Variants in OR4M1 observed in about 807,000 individuals in gnomAD.
OR4M1 encodes olfactory receptor 4M1.
Under a neutral mutation model 9.8 loss-of-function variants are expected in OR4M1, and 7 were observed. The ratio of observed to expected loss-of-function variants is 0.71; its 90% CI spans 0.41 to 1.34. OR4M1 has a LOEUF of 1.34. Ranked by LOEUF, OR4M1 falls within the 40% of genes most tolerant of loss-of-function variation. The pLI, the probability that OR4M1 is intolerant of heterozygous loss-of-function variation, is 0.01. For missense variants in OR4M1, 331 were observed against 380.4 expected, an observed-to-expected ratio of 0.87 and a Z score of 1.08; for synonymous variants, 121 against 139.8, an observed-to-expected ratio of 0.87 and a Z score of 0.95.
rs563688956 is a variant in OR4M1, at chr14:19,780,332, G to A, written c.10G>A (p.Ala4Thr). 1.9e-6 allele frequency: 3 copies of A among 1,608,664 alleles called. No homozygotes were observed. The highest frequency in any genetic ancestry group is 1.1e-5 in the South Asian group (1 of 89,992). The change falls in exon 2 of 2, where the codon GCA becomes ACA. Residue 4 changes from alanine to threonine, a missense_variant. Coordinates refer to ENST00000641200, the MANE Select transcript of OR4M1 (RefSeq NM_001005500.2). MET[A>T]NYTKVTEFVL... ...AGAGTAAATTGAAGAAATGGAAACT[G>A]CAAATTACACCAAGGTGACAGAATT...
rs148064064 is a variant in OR4M1, at chr14:19,783,004, G to C, written c.*1740G>C. The C allele has an allele frequency of 5.3e-5, 8 of 152,352 alleles. No individual in the cohort carries two copies. In the East Asian group the frequency reaches 1.5e-3, roughly 29 times the overall value. The allele number at this position is 152,352 out of a possible 1,614,324, so 9.4% of individuals were successfully genotyped here. On this transcript the variant is annotated 3_prime_UTR_variant, in exon 2 of 2. Coordinates refer to ENST00000641200, the MANE Select transcript of OR4M1 (RefSeq NM_001005500.2). ...AACTAGGGCTGATGTTCTTTGGAAA[G>C]GGACCACTGATTTGATATGCTCTTC...
At chr14:19,774,079 A>G (rs1441569467) in intron 1 of OR4M1, among the ~76,000 whole-genome samples, 1 of 152,252 alleles carries the variant, frequency 6.6e-6, no homozygotes, top group Non-Finnish European at 1.5e-5. Context: ...AGGATGGGAA[A>G]GGTGAGGCTT....
chr14:19,777,007 CATATATATATATATATAT>C (rs71431978), intron 1 of OR4M1, among the ~76,000 whole-genome samples: 132 of 45,930 alleles, frequency 2.9e-3, no homozygotes, highest in African/African-American at 8.6e-3. Flanking sequence ...TTGTTTAAGC[CATATATATATATATATAT>C]ATATATATAT....
rs1288775328 is a variant in OR4M1 at position 19,783,243 on chromosome 14, G to A, written c.*1979G>A. On this transcript the variant is annotated 3_prime_UTR_variant, in exon 2 of 2. Transcript: ENST00000641200. Reference sequence around the variant, plus strand: ...AGCCTGATTCATGGAGGACATAATTGGAATAAGGACTGAGAGCAATTTCAC... The same window carrying A: ...AGCCTGATTCATGGAGGACATAATTAGAATAAGGACTGAGAGCAATTTCAC... The A allele has an allele frequency of 6.6e-6, 1 of 152,282 alleles. No individual in the cohort carries two copies. The highest frequency in any genetic ancestry group is 1.9e-4 in the East Asian group (1 of 5,202). The allele number at this position is 152,282 out of a possible 1,614,324, so 9.4% of individuals were successfully genotyped here.
chr14:19,774,925 TC>T (rs906142084), intron 1 of OR4M1, among the ~76,000 whole-genome samples: 46 of 152,210 alleles, frequency 3.0e-4, no homozygotes, highest in African/African-American at 1.0e-3. Flanking sequence ...AACCCTTAGC[TC>T]CCCAACCTAC....
At chr14:19,780,087 T>C (rs1158480188) in intron 1 of OR4M1, among the ~76,000 whole-genome samples, 1 of 152,278 alleles carries the variant, frequency 6.6e-6, no homozygotes, top group Non-Finnish European at 1.5e-5. Context: ...TTCAAATATA[T>C]GCCACACTTC....
At chr14:19,776,068 A>G (rs1878301690) in intron 1 of OR4M1, among the ~76,000 whole-genome samples, 1 of 152,184 alleles carries the variant, frequency 6.6e-6, no homozygotes, top group Admixed American at 6.5e-5. Context: ...CTTCCTCACC[A>G]TCCCACAGAA....
At chr14:19,779,765 A>G (rs954634805) in intron 1 of OR4M1, among the ~76,000 whole-genome samples, 4 of 152,248 alleles carry the variant, frequency 2.6e-5, no homozygotes, top group Admixed American at 1.3e-4. Context: ...GGTTACGCTT[A>G]TGGAAAAATA....
Position 19,781,790 on chromosome 14 carries a change from G to A in OR4M1, c.*526G>A, listed in dbSNP as rs866314080. On this transcript the variant is annotated 3_prime_UTR_variant, in exon 2 of 2. Coordinates refer to ENST00000641200, the MANE Select transcript of OR4M1 (RefSeq NM_001005500.2). ...TCTCCTCTTATTTCCAGAGTTGATG[G>A]AAAATGAGGATTCATTTATAGAAGG... 4 of 155,532 alleles carry A rather than the reference G, an allele frequency of 2.6e-5. No individual in the cohort carries two copies. The highest frequency in any genetic ancestry group is 4.8e-5 in the African/African-American group (2 of 41,610). The allele number at this position is 155,532 out of a possible 1,614,324, so 9.6% of individuals were successfully genotyped here.
intron 1 of OR4M1, among the ~76,000 whole-genome samples, chr14:19,776,136 G>C (rs1878303266): frequency 6.6e-6 from 1 of 152,186 alleles, no homozygotes; most frequent in South Asian, 2.1e-4. Flanking sequence ...TCTAAGAAGT[G>C]TTGTATATAT....
intron 1 of OR4M1, among the ~76,000 whole-genome samples, chr14:19,779,123 T>A (rs1218642067): frequency 6.6e-6 from 1 of 152,230 alleles, no homozygotes; most frequent in Non-Finnish European, 1.5e-5. Context: ...AAATTATGTA[T>A]AAATTGAGTC....
intron 1 of OR4M1, among the ~76,000 whole-genome samples, chr14:19,776,516 A>G (rs1878313788): frequency 6.6e-6 from 1 of 152,244 alleles, no homozygotes. Context: ...GCTTAGGAGA[A>G]GTAGGTGGGT....
Position 19,780,579 on chromosome 14 carries a change from T to TA in OR4M1, c.257_258insA (p.Phe86LeufsTer36). The TA allele has an allele frequency of 6.2e-7, 1 of 1,614,242 alleles. No individual in the cohort carries two copies. The highest frequency in any genetic ancestry group is 8.5e-7 in the Non-Finnish European group (1 of 1,180,030). On this transcript the variant is annotated frameshift_variant, in exon 2 of 2. Coordinates refer to ENST00000641200, the MANE Select transcript of OR4M1 (RefSeq NM_001005500.2). LOFTEE classifies it high-confidence loss of function. ...GCCCCTAAAATGCTCATAGACTTCTTTGTGGAGAGGAAGATAATTTCCTTT... is the reference window on the plus strand; with the variant it reads ...GCCCCTAAAATGCTCATAGACTTCTTATGTGGAGAGGAAGATAATTTCCTTT...
chr14:19,777,130 T>C (rs1448148337), intron 1 of OR4M1, among the ~76,000 whole-genome samples: 1 of 150,306 alleles, frequency 6.7e-6, no homozygotes, highest in Non-Finnish European at 1.5e-5. Context: ...AAATTGCAAA[T>C]TGTATTAAGC....
chr14:19,774,423 T>C (rs1984440), intron 1 of OR4M1, among the ~76,000 whole-genome samples: 107,737 of 151,250 alleles, frequency 0.71, 34,906 homozygotes, highest in African/African-American at 0.78. Context: ...AAGACCATAG[T>C]ATGCTAGGAA....
At chr14:19,776,463 T>C (rs138577830) in intron 1 of OR4M1, among the ~76,000 whole-genome samples, 64 of 152,318 alleles carry the variant, frequency 4.2e-4, no homozygotes, top group African/African-American at 1.3e-3. Context: ...CCCTGTAGAT[T>C]AAGAATGGGA....
rs1378387115 is a variant in OR4M1 at position 19,781,414 on chromosome 14, G to GA, written c.*156dup. The GA allele has an allele frequency of 3.5e-5, 26 of 746,296 alleles. No homozygotes were observed. Among genetic ancestry groups the GA allele is most frequent in the Admixed American group, 6.6e-5 (2 of 30,410 alleles). 46.2% of individuals were successfully genotyped at this position (746,296 alleles called of 1,614,324 possible). A position where few individuals can be genotyped will look rare whatever the true frequency, so the allele number is the denominator to read the frequency against. On this transcript the variant is annotated 3_prime_UTR_variant, in exon 2 of 2. Transcript: ENST00000641200. ...TTCTCTATTAATTCCTCTTTATATT[G>GA]AAAAAATAGAGGCATTAAGATGAAA... is the stretch of plus-strand genomic sequence containing the variant.
chr14:19,780,631 C>T lies in OR4M1; in HGVS notation c.309C>T (p.Phe103=). Residue 103 remains phenylalanine, a synonymous_variant, in exon 2 of 2, where the codon TTC becomes TTT. Transcript: ENST00000641200. ...GTGGATGCATTGCACAGCTCTTCTT[C>T]TTACACTTTGTTGGGGCTTCGGAGA... ...SFGGCIAQLF[F]LHFVGASEMF... 9 of 1,614,232 alleles carry T rather than the reference C, an allele frequency of 5.6e-6. No homozygotes were observed. Among genetic ancestry groups the T allele is most frequent in the Non-Finnish European group, 7.6e-6 (9 of 1,180,042 alleles).
At chr14:19,777,166 C>A (rs1020680149) in intron 1 of OR4M1, among the ~76,000 whole-genome samples, 11 of 151,352 alleles carry the variant, frequency 7.3e-5, no homozygotes, top group African/African-American at 2.7e-4. Flanking sequence ...TATTTTAAAA[C>A]ATATTGAAAG....
Sources: gnomAD v4.1 joint callset for allele counts (sites outside exome capture counted in the v4.1 genomes callset) on GRCh38, gnomAD v4.1.1 for gene constraint, MANE v1.5 for transcripts, NCBI Gene and HGNC (gene_info 2026-07-23, HGNC 2026-07-21) for gene names.